Variants in SUGCT observed in about 807,000 individuals in gnomAD.
SUGCT encodes succinyl-CoA:glutarate-CoA transferase.
In SUGCT, 41 loss-of-function variants were observed where a neutral mutation model predicts 55.0. That is an observed-to-expected ratio of 0.74 (90% CI 0.58 to 0.97). The LOEUF (loss-of-function observed/expected upper bound fraction) is 0.97. Ranked by LOEUF, SUGCT falls within the 50% of genes least tolerant of loss-of-function variation. The pLI is 0.00. For synonymous variants in SUGCT, 187 were observed against 200.4 expected (o/e 0.93, Z 0.56); for missense variants, 568 against 547.8 (o/e 1.04, Z -0.37).
intron 7 of SUGCT, among the ~76,000 whole-genome samples, chr7:40,273,961 A>C (rs985200895): frequency 1.3e-5 from 2 of 152,146 alleles, no homozygotes; most frequent in Non-Finnish European, 2.9e-5. Context: ...GCAGTCTGCT[A>C]ACAGCTTTTT....
intron 13 of SUGCT, among the ~76,000 whole-genome samples, chr7:40,802,813 G>T (rs1259620490): frequency 6.6e-6 from 1 of 152,150 alleles, no homozygotes; most frequent in African/African-American, 2.4e-5. Context: ...GCTAAAAGTG[G>T]GGATTTGAAG....
intron 5 of SUGCT, among the ~76,000 whole-genome samples, chr7:40,193,632 T>G (rs1786074395): frequency 6.7e-6 from 1 of 149,778 alleles, no homozygotes; most frequent in African/African-American, 2.5e-5. Context: ...AGGTTCTCAC[T>G]CTGTCACCCA....
chr7:40,575,126 G>C (rs543948743), intron 12 of SUGCT, among the ~76,000 whole-genome samples: 5 of 139,808 alleles, frequency 3.6e-5, no homozygotes, highest in Middle Eastern at 3.5e-3. Context: ...TGGCGGGGGT[G>C]GGGGTGGAGA....
rs187104597 is a variant in SUGCT at position 40,663,286 on chromosome 7, A to G, written c.1090-86148A>G. On this transcript the variant is annotated intron_variant, in intron 12 of 13. Coordinates refer to ENST00000335693, the MANE Select transcript of SUGCT (RefSeq NM_001193313.2). ...TTTTTCTTGCTTACTAATGTAATAC[A>G]TGTATATTTCAAAAAAAAAATCTGG... is the stretch of plus-strand genomic sequence containing the variant. 7.1e-4 allele frequency among the ~76,000 whole-genome samples: 101 copies of G among 143,146 alleles called. 1 individual carries two copies. Among genetic ancestry groups the G allele is most frequent in the African/African-American group, 2.6e-3 (100 of 38,798 alleles). 93.9% of individuals were successfully genotyped at this position (143,146 alleles called of 152,430 possible).
At chr7:40,370,808 A>G (rs1784260217) in intron 9 of SUGCT, among the ~76,000 whole-genome samples, 1 of 152,180 alleles carries the variant, frequency 6.6e-6, no homozygotes, top group Middle Eastern at 3.4e-3. Context: ...AAGTATTTTT[A>G]TAAAGTGCTG....
At chr7:40,654,853 A>G (rs1054064818) in intron 12 of SUGCT, among the ~76,000 whole-genome samples, 2 of 152,050 alleles carry the variant, frequency 1.3e-5, no homozygotes, top group African/African-American at 4.8e-5. Flanking sequence ...AACCTTACAG[A>G]TTTACGTCTG....
At chr7:40,437,026 C>T (rs2329772) in intron 9 of SUGCT, among the ~76,000 whole-genome samples, 83,655 of 151,994 alleles carry the variant, frequency 0.55, 23,159 homozygotes, top group South Asian at 0.64. Flanking sequence ...AGTTTTTGGC[C>T]TATATTCCTC....
the SUGCT span, among the ~76,000 whole-genome samples, chr7:40,903,386 G>T: frequency 8.4e-3 from 1,273 of 152,292 alleles, 6 homozygotes; most frequent in Non-Finnish European, 0.013. Flanking sequence ...ACAGAGTTCA[G>T]AAAGGGGGAG....
intron 9 of SUGCT, among the ~76,000 whole-genome samples, chr7:40,346,911 T>G (rs1797344630): frequency 6.6e-6 from 1 of 152,200 alleles, no homozygotes; most frequent in African/African-American, 2.4e-5. Flanking sequence ...AACGCGATTC[T>G]CGGACTTGAA....
At chr7:40,686,512 C>T (rs1779677214) in intron 12 of SUGCT, among the ~76,000 whole-genome samples, 2 of 152,134 alleles carry the variant, frequency 1.3e-5, no homozygotes, top group African/African-American at 2.4e-5. Context: ...TATTTCAGAG[C>T]GTGGCATTGA....
At chr7:40,492,185 A>G (rs142815477) in intron 11 of SUGCT, among the ~76,000 whole-genome samples, 3 of 152,244 alleles carry the variant, frequency 2.0e-5, no homozygotes, top group African/African-American at 4.8e-5. Flanking sequence ...GGCATTCATG[A>G]CCAAACCAGA....
chr7:40,787,820 C>T (rs1342652111), intron 13 of SUGCT, among the ~76,000 whole-genome samples: 1 of 152,158 alleles, frequency 6.6e-6, no homozygotes, highest in Non-Finnish European at 1.5e-5. Context: ...ACTTCCACCT[C>T]TGTCAGCAAA....
intron 13 of SUGCT, among the ~76,000 whole-genome samples, chr7:40,794,283 T>G (rs1323671696): frequency 6.6e-6 from 1 of 152,152 alleles, no homozygotes; most frequent in Non-Finnish European, 1.5e-5. Context: ...ACTAACAACT[T>G]TTTTAGCTAC....
intron 12 of SUGCT, among the ~76,000 whole-genome samples, chr7:40,600,007 G>A (rs1033736291): frequency 6.6e-6 from 1 of 152,160 alleles, no homozygotes; most frequent in African/African-American, 2.4e-5. Context: ...CCTCTTTGCA[G>A]TTATATTTTG....
At chr7:40,152,667 G>T in intron 1 of SUGCT, 1 of 180,610 alleles carries the variant, frequency 5.5e-6, no homozygotes, top group Non-Finnish European at 1.3e-5. Flanking sequence ...GAAAACTCCC[G>T]TGGTCAAACA....
rs545852520 is a variant in SUGCT at position 40,819,516 on chromosome 7, G to A, written c.1154-40800G>A. Among the ~76,000 whole-genome samples, 47 of 152,312 alleles carry A rather than the reference G, an allele frequency of 3.1e-4. No homozygotes were observed. The Middle Eastern group carries it at 0.014, about 44-fold the overall frequency. ...CATTTCTCTGATGGCCAGTGATGCT[G>A]AGCATTTTTTCATGTGTCTTTTGGC... On this transcript the variant is annotated intron_variant, in intron 13 of 13. Transcript: ENST00000335693.
At chr7:40,902,226 AAAC>A in the SUGCT span, among the ~76,000 whole-genome samples, 8 of 152,168 alleles carry the variant, frequency 5.3e-5, no homozygotes, top group Non-Finnish European at 1.2e-4. Flanking sequence ...ACAAACAAAA[AAAC>A]AAGCATACAT....
chr7:40,538,049 C>A (rs1265324506), intron 12 of SUGCT: 8 of 152,110 alleles, frequency 5.3e-5, no homozygotes, highest in Non-Finnish European at 8.8e-5. Flanking sequence ...GTTATATCCT[C>A]ATTTGCATTC....
intron 1 of SUGCT, among the ~76,000 whole-genome samples, chr7:40,139,685 G>A (rs993485562): frequency 2.6e-5 from 4 of 152,100 alleles, no homozygotes; most frequent in African/African-American, 9.7e-5. Context: ...CAGGTTATCC[G>A]TTCACTCTGT....
Sources: allele counts gnomAD v4.1 joint callset (sites outside exome capture counted in the v4.1 genomes callset), GRCh38; gene constraint gnomAD v4.1.1; transcripts MANE v1.5; gene names NCBI Gene and HGNC (gene_info 2026-07-23, HGNC 2026-07-21).